Variants in TENM3 observed in about 807,000 individuals in gnomAD.
TENM3 encodes teneurin-3.
Under a neutral mutation model 255.1 loss-of-function variants are expected in TENM3, and 63 were observed. The observed-to-expected ratio is 0.25, with a 90% confidence interval of 0.20 to 0.30. TENM3 has a LOEUF of 0.30. TENM3 is among the 10% of genes least tolerant of loss of function. The pLI is 1.00. For synonymous variants in TENM3, 1,306 were observed against 1,322.3 expected (o/e 0.99, Z 0.27); for missense variants, 2,929 against 3,461.1 (o/e 0.85, Z 3.86).
At chr4:182,706,198 GAATA>G (rs1482541050) in intron 12 of TENM3, among the ~76,000 whole-genome samples, 1 of 152,102 alleles carries the variant, frequency 6.6e-6, no homozygotes, top group African/African-American at 2.4e-5. Flanking sequence ...CGTTTATTTA[GAATA>G]TGGATTTTGG....
At chr4:181,556,849 A>G in the TENM3 span, among the ~76,000 whole-genome samples, 1 of 152,192 alleles carries the variant, frequency 6.6e-6, no homozygotes, top group East Asian at 1.9e-4. Flanking sequence ...TATAACTTGC[A>G]ACATCTCAAG....
the TENM3 span, among the ~76,000 whole-genome samples, chr4:181,665,824 A>G: frequency 6.6e-6 from 1 of 152,132 alleles, no homozygotes; most frequent in African/African-American, 2.4e-5. Flanking sequence ...TTCAAGAAAG[A>G]AAAGAAGTGA....
rs764932466 is a variant in TENM3 at position 182,773,524 on chromosome 4, A to G, written c.4945A>G (p.Thr1649Ala). The change falls in exon 23 of 28, where the codon ACA becomes GCA. Residue 1649 changes from threonine to alanine, a missense_variant. By Grantham distance (58) the Thr-to-Ala change is moderately conservative. Coordinates refer to ENST00000511685, the MANE Select transcript of TENM3 (RefSeq NM_001080477.4). Reference sequence around the variant, plus strand: ...TGTTACGTTTCCAACTGGAGTGGTCACAAACCTGCATGGGGACATGGACAA... The same window carrying G: ...TGTTACGTTTCCAACTGGAGTGGTCGCAAACCTGCATGGGGACATGGACAA... ...TNVTFPTGVV[T>A]NLHGDMDKAI... The G allele has an allele frequency of 1.2e-6, 2 of 1,613,912 alleles. No homozygotes were observed. The highest frequency in any genetic ancestry group is 1.7e-6 in the Non-Finnish European group (2 of 1,179,854).
the TENM3 span, among the ~76,000 whole-genome samples, chr4:181,841,031 G>A: frequency 6.6e-6 from 1 of 151,990 alleles, no homozygotes; most frequent in Non-Finnish European, 1.5e-5. Flanking sequence ...TAGGTTAATA[G>A]GCATTTTAGT....
intron 2 of TENM3, among the ~76,000 whole-genome samples, chr4:182,340,368 T>C (rs772647719): frequency 2.8e-4 from 43 of 152,328 alleles, no homozygotes; most frequent in Non-Finnish European, 5.1e-4. Flanking sequence ...GTGGTCATTT[T>C]CAGCGTCCTC....
intron 1 of TENM3, among the ~76,000 whole-genome samples, chr4:182,267,871 A>G (rs1759343047): frequency 6.6e-6 from 1 of 152,216 alleles, no homozygotes; most frequent in Non-Finnish European, 1.5e-5. Context: ...TTCAAAAACT[A>G]TGGTACACTT....
At chr4:181,543,874 A>G in the TENM3 span, among the ~76,000 whole-genome samples, 1 of 152,202 alleles carries the variant, frequency 6.6e-6, no homozygotes, top group Non-Finnish European at 1.5e-5. Flanking sequence ...GGTACTTTAA[A>G]ATACTTCCCA....
At chr4:182,434,577 C>T (rs1771906028) in intron 3 of TENM3, among the ~76,000 whole-genome samples, 1 of 151,504 alleles carries the variant, frequency 6.6e-6, no homozygotes, top group African/African-American at 2.4e-5. Flanking sequence ...GCAGGAGAAT[C>T]ACTTGAACCC....
At chr4:182,197,699 G>T (rs1307489468) in intron 1 of TENM3, among the ~76,000 whole-genome samples, 1 of 152,226 alleles carries the variant, frequency 6.6e-6, no homozygotes, top group Non-Finnish European at 1.5e-5. Flanking sequence ...GTCAGATTTA[G>T]AGCAGCTACC....
the TENM3 span, among the ~76,000 whole-genome samples, chr4:181,533,156 A>G: frequency 6.6e-6 from 1 of 152,116 alleles, no homozygotes; most frequent in Non-Finnish European, 1.5e-5. Context: ...AGAAGCAAGG[A>G]TCCAGCTACT....
chr4:181,618,765 G>T, the TENM3 span, among the ~76,000 whole-genome samples: 1 of 152,182 alleles, frequency 6.6e-6, no homozygotes, highest in African/African-American at 2.4e-5. Context: ...CTTACAACAC[G>T]AAATTGATTA....
At chr4:181,561,235 T>A in the TENM3 span, among the ~76,000 whole-genome samples, 1 of 152,212 alleles carries the variant, frequency 6.6e-6, no homozygotes, top group African/African-American at 2.4e-5. Context: ...ATTACAGGTG[T>A]GAGCCACTGT....
intron 1 of TENM3, among the ~76,000 whole-genome samples, chr4:182,316,019 C>G (rs7654215): frequency 0.15 from 22,321 of 152,060 alleles, 1,886 homozygotes; most frequent in Middle Eastern, 0.21. Flanking sequence ...ATGTCCTTCT[C>G]TATGAATTCT....
the TENM3 span, among the ~76,000 whole-genome samples, chr4:181,939,236 T>C: frequency 2.0e-5 from 3 of 152,198 alleles, no homozygotes; most frequent in Non-Finnish European, 2.9e-5. Context: ...TAAGATATGG[T>C]TATAATCCTA....
the TENM3 span, among the ~76,000 whole-genome samples, chr4:181,798,135 C>T: frequency 6.7e-6 from 1 of 149,930 alleles, no homozygotes; most frequent in South Asian, 2.1e-4. Flanking sequence ...GTCTTTTTTA[C>T]TCTTAAGAAT....
chr4:181,588,703 G>T, the TENM3 span, among the ~76,000 whole-genome samples: 2 of 152,144 alleles, frequency 1.3e-5, no homozygotes, highest in Non-Finnish European at 2.9e-5. Context: ...TAAAAGAAAC[G>T]TAGAAGAAAA....
intron 3 of TENM3, among the ~76,000 whole-genome samples, chr4:182,513,581 T>G (rs960313533): frequency 6.6e-6 from 1 of 152,108 alleles, no homozygotes; most frequent in Non-Finnish European, 1.5e-5. Context: ...TTTAGAAAGA[T>G]AATTTGTAGT....
chr4:182,294,458 A>G (rs941013912), intron 1 of TENM3, among the ~76,000 whole-genome samples: 1 of 151,904 alleles, frequency 6.6e-6, no homozygotes, highest in African/African-American at 2.4e-5. Context: ...GGAAAGATAG[A>G]AGTATTTGTG....
the TENM3 span, among the ~76,000 whole-genome samples, chr4:181,611,468 T>C: frequency 2.0e-5 from 3 of 152,154 alleles, no homozygotes; most frequent in African/African-American, 4.8e-5. Flanking sequence ...TTCTCCTCTT[T>C]ACATGATACC....
Sources: allele counts gnomAD v4.1 joint callset (sites outside exome capture counted in the v4.1 genomes callset), GRCh38; gene constraint gnomAD v4.1.1; transcripts MANE v1.5; gene names NCBI Gene and HGNC (gene_info 2026-07-23, HGNC 2026-07-21).